TSSK4: variants seen among roughly 807,000 people sequenced by gnomAD.
TSSK4 encodes testis-specific serine/threonine-protein kinase 4.
TSSK4 carries 22 observed loss-of-function variants against 28.5 expected under a neutral mutation model. The ratio of observed to expected loss-of-function variants is 0.77; its 90% CI spans 0.55 to 1.10. The LOEUF (loss-of-function observed/expected upper bound fraction) is 1.10. TSSK4 is among the 50% of genes least tolerant of loss of function. The pLI is 0.00. For missense variants in TSSK4, 329 were observed against 415.4 expected (o/e 0.79, Z 1.81); for synonymous variants, 151 against 158.3 (o/e 0.95, Z 0.35).
Position 24,207,877 on chromosome 14 carries a change from C to A in TSSK4, c.835-87C>A, listed in dbSNP as rs533472031. The stretch of plus-strand genomic sequence containing the variant: ...GACCAGAGTGGTATGATGGGCTATC[C>A]TGCTTCTTTCTTAGGTCCAACTGCT... On this transcript the variant is annotated intron_variant, in intron 3 of 3. Coordinates refer to ENST00000339917, the MANE Select transcript of TSSK4 (RefSeq NM_001184739.2). 2.5e-6 allele frequency: 4 copies of A among 1,605,198 alleles called. No individual in the cohort carries two copies. In the Middle Eastern group the frequency reaches 6.7e-4, roughly 268 times the overall value.
chr14:24,208,158 G>A lies in TSSK4; in HGVS notation c.*12G>A, dbSNP rs775200449. The A allele has an allele frequency of 6.3e-7, 1 of 1,595,944 alleles. No individual in the cohort carries two copies. Among genetic ancestry groups the A allele is most frequent in the South Asian group, 1.1e-5 (1 of 89,948 alleles). ...AAATTACGACCTGAAAATGGCTGAG[G>A]GAGGGGGCTAAGAGAGGAGCAAAGC... On this transcript the variant is annotated 3_prime_UTR_variant, in exon 4 of 4. Transcript: ENST00000339917.
chr14:24,207,475 T>A lies in TSSK4; in HGVS notation c.800T>A (p.Phe267Tyr). Reference protein sequence around the residue: ...LLRETQKEVTFPANHTISQEC... With the variant: ...LLRETQKEVTYPANHTISQEC... ...AGAGAGACTCAGAAGGAGGTCACTTTCCCAGCTAACCATACCATCTCCCAG... is the reference window on the plus strand; with the variant it reads ...AGAGAGACTCAGAAGGAGGTCACTTACCCAGCTAACCATACCATCTCCCAG... Residue 267 changes from phenylalanine to tyrosine, a missense_variant, in exon 3 of 4, where the codon TTC becomes TAC. Physicochemically the swap from Phe to Tyr is conservative, Grantham distance 22. Around this residue, in one of 3 missense-constraint regions of TSSK4, gnomAD observed 139 missense variants for 178.1 expected, o/e 0.78. Coordinates refer to ENST00000339917, the MANE Select transcript of TSSK4 (RefSeq NM_001184739.2). 3 of 1,613,258 alleles carry A rather than the reference T, an allele frequency of 1.9e-6. No individual in the cohort carries two copies. Among genetic ancestry groups the A allele is most frequent in the Non-Finnish European group, 2.5e-6 (3 of 1,179,542 alleles).
rs111246531 is a variant in TSSK4, at chr14:24,208,125, A to G, written c.996A>G (p.Gln332=). The G allele has an allele frequency of 8.1e-6, 13 of 1,603,686 alleles. No individual in the cohort carries two copies. The highest frequency in any genetic ancestry group is 6.7e-5 in the Admixed American group (4 of 59,772). Residue 332 remains glutamine (Q), a synonymous_variant, in exon 4 of 4, where the codon CAA becomes CAG. Coordinates refer to ENST00000339917, the MANE Select transcript of TSSK4 (RefSeq NM_001184739.2). ...TCCACAACACCACTAAACAGCACCAATCCTTGCAAATTACGACCTGAAAAT... is the reference window on the plus strand; with the variant it reads ...TCCACAACACCACTAAACAGCACCAGTCCTTGCAAATTACGACCTGAAAAT... ...CQLHNTTKQH[Q]SLQITT is the part of the protein sequence containing the mutation.
intron 3 of TSSK4, 171 bp from the exon 4 acceptor site, chr14:24,207,793 C>T (rs980144426): frequency 2.9e-5 from 38 of 1,299,104 alleles, no homozygotes; most frequent in Non-Finnish European, 3.9e-5. Context: ...CTCTTCCCTT[C>T]CCCTCCAGGG....
intron 1 of TSSK4, 110 bp downstream of exon 1, chr14:24,206,258 C>T (rs2039514890): frequency 9.4e-7 from 1 of 1,059,806 alleles, no homozygotes; most frequent in Non-Finnish European, 1.4e-6. Context: ...TAAACCAGAA[C>T]TGAAATGTCT....
At position 24,206,068 on chromosome 14, in the gene TSSK4, G is replaced by C. The variant is rs756680087; in HGVS notation, c.145G>C (p.Val49Leu). 2 of 1,614,232 alleles carry C rather than the reference G, an allele frequency of 1.2e-6. No homozygotes were observed. Among genetic ancestry groups the C allele is most frequent in the Non-Finnish European group, 1.7e-6 (2 of 1,180,036 alleles). The change falls in exon 1 of 4, where the codon GTT (valine) becomes CTT (leucine). Residue 49 changes from valine to leucine, a missense_variant. Physicochemically the swap from Val to Leu is conservative, Grantham distance 32. Coordinates refer to ENST00000339917, the MANE Select transcript of TSSK4 (RefSeq NM_001184739.2). ...TGAGGCTTTCTACACAAAGCAGAAGGTTATGGTGGCAGTCAAGATCATCTC... is the reference window on the plus strand; with the variant it reads ...TGAGGCTTTCTACACAAAGCAGAAGCTTATGGTGGCAGTCAAGATCATCTC... ...VYEAFYTKQK[V>L]MVAVKIISKK...
In TSSK4 at chr14:24,206,630, G is replaced by A. The variant is rs201981085; in HGVS notation, c.347G>A (p.Arg116His). The A allele has an allele frequency of 4.1e-4, 662 of 1,614,168 alleles. 1 individual carries two copies. The highest frequency in any genetic ancestry group is 1.3e-3 in the South Asian group (120 of 91,084). Residue 116 changes from arginine to histidine, a missense_variant, in exon 2 of 4, where the codon CGC becomes CAC. Physicochemically the swap from Arg to His is conservative, Grantham distance 29. This residue lies in a region of TSSK4 where 175 missense variants were observed against 196.0 expected (regional missense o/e 0.89). Coordinates refer to ENST00000339917, the MANE Select transcript of TSSK4 (RefSeq NM_001184739.2). ...QGGDVLEWIQ[R>H]YGACSEPLAG... Reference sequence around the variant, plus strand: ...GGTGATGTCCTTGAATGGATCCAGCGCTACGGGGCCTGCTCTGAGCCCCTT... The same window carrying A: ...GGTGATGTCCTTGAATGGATCCAGCACTACGGGGCCTGCTCTGAGCCCCTT...
Position 24,205,934 on chromosome 14 carries a change from G to A in TSSK4, c.11G>A (p.Gly4Glu), listed in dbSNP as rs1451401643. Reference protein sequence around the residue: MGKGDVLEAAPTTT... With the variant: MGKEDVLEAAPTTT... ...AGCAAGCCCAACACCATGGGGAAGG[G>A]AGATGTCTTAGAGGCAGCACCAACC... The change falls in exon 1 of 4, where the codon GGA becomes GAA. Residue 4 changes from glycine (G) to glutamate (E), a missense_variant. Coordinates refer to ENST00000339917, the MANE Select transcript of TSSK4 (RefSeq NM_001184739.2). The A allele has an allele frequency of 2.5e-6, 4 of 1,613,630 alleles. No homozygotes were observed. Among genetic ancestry groups the A allele is most frequent in the Non-Finnish European group, 3.4e-6 (4 of 1,180,006 alleles).
intron 3 of TSSK4, 60 bp downstream of exon 3, chr14:24,207,569 TCCAACCTAGGTCAC>T (rs2138855367): frequency 6.5e-7 from 1 of 1,533,664 alleles, no homozygotes; most frequent in South Asian, 1.3e-5. Context: ...GGGGTGAATA[TCCAACCTAGGTCAC>T]CCAACCTAGG....
chr14:24,207,541 A>G (rs1044152588), intron 3 of TSSK4, 32 bp downstream of exon 3: 5 of 1,561,358 alleles, frequency 3.2e-6, no homozygotes, highest in Non-Finnish European at 4.3e-6. Flanking sequence ...CTGAGCCTTC[A>G]GGGATGACCC....
intron 2 of TSSK4, 190 bp from the exon 3 acceptor site, chr14:24,206,925 TC>T: frequency 2.0e-6 from 2 of 981,764 alleles, no homozygotes; most frequent in Admixed American, 2.0e-5. Flanking sequence ...AATGGTGAGC[TC>T]CCGGTGGTCC....
chr14:24,207,389 C>T lies in TSSK4; in HGVS notation c.714C>T (p.Ile238=), dbSNP rs750254864. The T allele has an allele frequency of 1.2e-6, 2 of 1,614,068 alleles. No homozygotes were observed. The highest frequency in any genetic ancestry group is 1.7e-6 in the Non-Finnish European group (2 of 1,180,048). ...FLSDTWSMGV[I]LYTLVVAHLP... ...CTGACACCTGGAGCATGGGCGTCAT[C>T]CTTTACACTCTAGTGGTCGCCCATC... Residue 238 remains isoleucine, a synonymous_variant, in exon 3 of 4, where the codon ATC becomes ATT. Transcript: ENST00000339917.
chr14:24,206,779 A>G, intron 2 of TSSK4, 56 bp downstream of exon 2: 1 of 1,579,260 alleles, frequency 6.3e-7, no homozygotes. Flanking sequence ...TTTTATGCAC[A>G]TCTCCCATTT....
intron 2 of TSSK4, 71 bp from the exon 3 acceptor site, chr14:24,207,045 C>T (rs773027172): frequency 1.9e-6 from 3 of 1,589,424 alleles, no homozygotes; most frequent in Non-Finnish European, 8.5e-7. Flanking sequence ...CTCCCACTTC[C>T]TCTGTCCTCA....
rs1383602610 is a variant in TSSK4, at chr14:24,208,131, G to T, written c.1002G>T (p.Leu334Phe). 2.5e-6 allele frequency: 4 copies of T among 1,601,720 alleles called. No individual in the cohort carries two copies. The highest frequency in any genetic ancestry group is 3.4e-6 in the Non-Finnish European group (4 of 1,170,718). ...LHNTTKQHQS[L>F]QITT Reference sequence around the variant, plus strand: ...ACACCACTAAACAGCACCAATCCTTGCAAATTACGACCTGAAAATGGCTGA... The same window carrying T: ...ACACCACTAAACAGCACCAATCCTTTCAAATTACGACCTGAAAATGGCTGA... Residue 334 changes from leucine (L) to phenylalanine (F), a missense_variant, in exon 4 of 4, where the codon TTG (leucine) becomes TTT (phenylalanine). By Grantham distance (22) the Leu-to-Phe change is conservative (BLOSUM62 0). Coordinates refer to ENST00000339917, the MANE Select transcript of TSSK4 (RefSeq NM_001184739.2).
chr14:24,206,483 T>C (rs2039518547), intron 1 of TSSK4, 26 bp from the exon 2 acceptor site: 2 of 1,613,578 alleles, frequency 1.2e-6, no homozygotes, highest in South Asian at 2.2e-5. Context: ...CTTCCCAGGT[T>C]TGATGGGTCC....
chr14:24,208,206 T>A lies in TSSK4; in HGVS notation c.*60T>A. ...AGCAGGAGGTCTTGGGCTAAAAATC[T>A]TTTTTACCAAAAATAAATCTAAGTC... On this transcript the variant is annotated 3_prime_UTR_variant, in exon 4 of 4. Coordinates refer to ENST00000339917, the MANE Select transcript of TSSK4 (RefSeq NM_001184739.2). The A allele has an allele frequency of 9.4e-6, 14 of 1,491,494 alleles. No individual in the cohort carries two copies. The highest frequency in any genetic ancestry group is 1.3e-5 in the Non-Finnish European group (14 of 1,119,270). The allele number at this position is 1,491,494 out of a possible 1,614,324, so 92.4% of individuals were successfully genotyped here.
At position 24,205,728 on chromosome 14, in the gene TSSK4, C is replaced by A; in HGVS notation, c.-196C>A. 1 of 587,216 alleles carries A rather than the reference C, an allele frequency of 1.7e-6. No individual in the cohort carries two copies. Among genetic ancestry groups the A allele is most frequent in the Non-Finnish European group, 3.1e-6 (1 of 327,592 alleles). 36.4% of individuals were successfully genotyped at this position (587,216 alleles called of 1,614,324 possible). On this transcript the variant is annotated 5_prime_UTR_variant, in exon 1 of 4. In the 5' UTR this introduces an upstream ATG that the reference lacks. Transcript: ENST00000339917. ...CAACAGCCAGTGGAGACAAAAAGAA[C>A]TGCTTCTCTTTCTTTCCCCCTCCAA...
rs764665209 is a variant in TSSK4, at chr14:24,207,098, A to G, written c.441-18A>G. On this transcript the variant is annotated intron_variant, in intron 2 of 3. Coordinates refer to ENST00000339917, the MANE Select transcript of TSSK4 (RefSeq NM_001184739.2). ...CTGGCCCTTCAGCTCCCAGTCTAAA[A>G]CTAAGCCCTCTCCCCAGCCTGATGC... 4 of 1,602,088 alleles carry G rather than the reference A, an allele frequency of 2.5e-6. No homozygotes were observed. Among genetic ancestry groups the G allele is most frequent in the Non-Finnish European group, 2.5e-6 (3 of 1,179,872 alleles).
Sources: gnomAD v4.1 joint callset for allele counts on GRCh38, gnomAD v4.1.1 for gene constraint, gnomAD v4.1.1 regional missense constraint, MANE v1.5 for transcripts, NCBI Gene and HGNC (gene_info 2026-07-23, HGNC 2026-07-21) for gene names.